Variants in CHD8 observed in about 807,000 individuals in gnomAD.
CHD8 encodes the protein ATP-dependent chromatin remodeler CHD8.
CHD8 carries 31 observed loss-of-function variants against 279.2 expected under a neutral mutation model. That is an observed-to-expected ratio of 0.11 (90% CI 0.08 to 0.15). The LOEUF is 0.15. Among genes scored for constraint, CHD8 ranks in the 10% least tolerant of loss-of-function variants. The pLI is 1.00. For missense variants in CHD8, 2,146 were observed against 3,230.5 expected (o/e 0.66, Z 8.14); for synonymous variants, 1,081 against 1,139.6 (o/e 0.95, Z 1.04).
intron 4 of CHD8, 160 bp downstream of exon 4, chr14:21,427,709 C>T (rs1430844820): frequency 8.6e-6 from 13 of 1,510,828 alleles, no homozygotes; most frequent in Non-Finnish European, 1.1e-5. Context: ...CTTGCACGTC[C>T]CATCACAGTA....
intron 1 of CHD8, among the ~76,000 whole-genome samples, chr14:21,439,929 A>G (rs952219067): frequency 1.1e-4 from 16 of 152,340 alleles, no homozygotes; most frequent in African/African-American, 3.4e-4. Flanking sequence ...TCTAAGTTCA[A>G]CATCAAATGC....
rs1300226421 is a variant in CHD8, at chr14:21,385,282, G to T, written c.*331C>A. 3 of 300,036 alleles carry T rather than the reference G, an allele frequency of 1.0e-5. No homozygotes were observed. Among genetic ancestry groups the T allele is most frequent in the African/African-American group, 2.2e-5 (1 of 46,478 alleles). The allele number at this position is 300,036 out of a possible 1,614,324, so 18.6% of individuals were successfully genotyped here. ...CCAGCTGTATCCACAGTTCGGCCAG[G>T]AACAGGCTCTGCCAGAGGCTAGGGC... On this transcript the variant is annotated 3_prime_UTR_variant, in exon 38 of 38. Coordinates refer to ENST00000646647, the MANE Select transcript of CHD8 (RefSeq NM_001170629.2).
At chr14:21,414,784 A>AT in intron 8 of CHD8, 154 bp downstream of exon 8, 1 of 674,466 alleles carries the variant, frequency 1.5e-6, no homozygotes, top group African/African-American at 1.8e-5. Context: ...CAATTCCTGA[A>AT]TTTCTCTCTG....
intron 8 of CHD8, 156 bp from the exon 9 acceptor site, chr14:21,414,574 A>G (rs1431997085): frequency 3.3e-6 from 2 of 605,586 alleles, no homozygotes; most frequent in Non-Finnish European, 5.8e-6. Flanking sequence ...TCTAATTTGT[A>G]TACAAACCAC....
At chr14:21,392,928 G>T (rs2139445436) in intron 33 of CHD8, 119 bp from the exon 34 acceptor site, 1 of 1,233,552 alleles carries the variant, frequency 8.1e-7, no homozygotes, top group East Asian at 2.3e-5. Context: ...CAGAAAAGAG[G>T]AAGTTAATAC....
At position 21,427,872 on chromosome 14, in the gene CHD8, A is replaced by G. The variant is rs369877740; in HGVS notation, c.1598T>C (p.Leu533Pro). The change falls in exon 4 of 38, where the codon CTC (leucine) becomes CCC (proline). Residue 533 changes from leucine to proline, a missense_variant. This residue lies in a region of CHD8 where 123 missense variants were observed against 169.2 expected (regional missense o/e 0.73). Coordinates refer to ENST00000646647, the MANE Select transcript of CHD8 (RefSeq NM_001170629.2). ...CACAGTAGCAAGGAGTACTCACTTG[A>G]GCTTGCTCTTGCCCTTTGTTTTGGA... ...GASKTKGKSK[L>P]NTITPVVGKK... is the part of the protein sequence containing the mutation. 6.2e-7 allele frequency: 1 copy of G among 1,613,592 alleles called. No individual in the cohort carries two copies. Among genetic ancestry groups the G allele is most frequent in the Non-Finnish European group, 8.5e-7 (1 of 1,179,798 alleles).
In CHD8 at chr14:21,385,720, C is replaced by T; in HGVS notation, c.7639G>A (p.Asp2547Asn). ...EEDDDEDEED[D>N]DDLSQGYDSS... ...TCATAGCCCTGAGATAAGTCATCATCATCTTCTTCATCCTCATCGTCATCC... is the reference window on the plus strand; with the variant it reads ...TCATAGCCCTGAGATAAGTCATCATTATCTTCTTCATCCTCATCGTCATCC... The change falls in exon 38 of 38, where the codon GAT becomes AAT. Residue 2547 changes from aspartate (D) to asparagine (N), a missense_variant. This residue lies in a region of CHD8 where 336 missense variants were observed against 392.9 expected (regional missense o/e 0.86). Transcript: ENST00000646647. The T allele has an allele frequency of 1.3e-6, 2 of 1,551,830 alleles. No individual in the cohort carries two copies. The highest frequency in any genetic ancestry group is 2.4e-5 in the South Asian group (2 of 84,062).
chr14:21,386,552 T>C (rs17197107), intron 37 of CHD8, among the ~76,000 whole-genome samples: 11,523 of 152,264 alleles, frequency 0.076, 624 homozygotes, highest in Non-Finnish European at 0.12. Context: ...AAAAAATCAC[T>C]TGTGACCGGG....
chr14:21,395,740 C>A (rs1887754195), intron 28 of CHD8, 77 bp downstream of exon 28: 2 of 850,406 alleles, frequency 2.4e-6, no homozygotes, highest in Non-Finnish European at 3.9e-6. Context: ...CAATATATTT[C>A]AAGATTCAGA....
At chr14:21,450,768 TA>T (rs1890238363) in intron 1 of CHD8, among the ~76,000 whole-genome samples, 1 of 151,996 alleles carries the variant, frequency 6.6e-6, no homozygotes, top group Non-Finnish European at 1.5e-5. Context: ...ATATATCCTT[TA>T]TTGGAAAGCT....
At chr14:21,437,231 T>G in intron 1 of CHD8, 1 of 1,185,304 alleles carries the variant, frequency 8.4e-7, no homozygotes, top group African/African-American at 1.6e-5. Flanking sequence ...CCCCTCTCCC[T>G]GTCTCTCCAG....
rs886041884 is a variant in CHD8, at chr14:21,402,485, G to T, written c.3733C>A (p.Arg1245=). The stretch of plus-strand genomic sequence containing the variant: ...TTCACAGCTTTGCTCTGCCCAATTC[G>T]ATGACATCGTGCCTGGGCCTGGTTT... The part of the protein sequence containing the change: ...NDLQAQARCH[R]IGQSKAVKVY... The change falls in exon 19 of 38, where the codon CGA becomes AGA. Residue 1245 remains arginine, a synonymous_variant. Transcript: ENST00000646647. This position sits in a 1 kb window ranked among gnomAD's most constrained non-coding sequence, Gnocchi z 4.5. The T allele has an allele frequency of 1.2e-6, 2 of 1,604,506 alleles. No homozygotes were observed. Among genetic ancestry groups the T allele is most frequent in the African/African-American group, 1.3e-5 (1 of 74,720 alleles).
At position 21,402,607 on chromosome 14, in the gene CHD8, G is replaced by T. The variant is rs2139467752; in HGVS notation, c.3715-104C>A. 1 of 1,110,024 alleles carries T rather than the reference G, an allele frequency of 9.0e-7. No individual in the cohort carries two copies. The highest frequency in any genetic ancestry group is 1.6e-5 in the African/African-American group (1 of 63,332). 68.8% of individuals were successfully genotyped at this position (1,110,024 alleles called of 1,614,324 possible). On this transcript the variant is annotated intron_variant, in intron 18 of 37. Transcript: ENST00000646647. The surrounding 1 kb of genome is among the most constrained non-coding windows in gnomAD (Gnocchi z 4.5). ...ATGATTCTTTCACCTCTATAGAGCA[G>T]CCATGAGATCAACTCAAAACCAAGA...
chr14:21,426,578 T>A (rs879861946), intron 4 of CHD8: 8 of 199,810 alleles, frequency 4.0e-5, no homozygotes, highest in Admixed American at 1.2e-4. Context: ...ACAAGAGCAT[T>A]AGTTTCATTA....
At chr14:21,394,514 A>T in intron 30 of CHD8, 29 bp from the exon 31 acceptor site, 1 of 1,483,080 alleles carries the variant, frequency 6.7e-7, no homozygotes, top group Non-Finnish European at 9.3e-7. Flanking sequence ...GGCAACAATA[A>T]TCAGAAGAAC....
Position 21,414,824 on chromosome 14 carries a change from A to C in CHD8, c.2024+114T>G, listed in dbSNP as rs1888645739. 5.3e-6 allele frequency: 4 copies of C among 748,466 alleles called. 1 individual carries two copies. In the Admixed American group the frequency reaches 1.1e-4, roughly 21 times the overall value. 46.4% of individuals were successfully genotyped at this position (748,466 alleles called of 1,614,324 possible). A position where few individuals can be genotyped will look rare whatever the true frequency, so the allele number is the denominator to read the frequency against. On this transcript the variant is annotated intron_variant, in intron 8 of 37. Coordinates refer to ENST00000646647, the MANE Select transcript of CHD8 (RefSeq NM_001170629.2). ...GCCATTTTTCCCCATTAAAAACAGC[A>C]ACCTGGGCTACAAGACTATAAAAAA...
Position 21,400,952 on chromosome 14 carries a change from G to A in CHD8, c.4293C>T (p.Arg1431=). Residue 1431 remains arginine, a synonymous_variant, in exon 22 of 38, where the codon CGC becomes CGT. Coordinates refer to ENST00000646647, the MANE Select transcript of CHD8 (RefSeq NM_001170629.2). This position sits in a 1 kb window ranked among gnomAD's most constrained non-coding sequence, Gnocchi z 4.2. ...CATGATGACGGTCATGTCTGCGGGA[G>A]CGTGGCCGCTCATCATCCTCACTTT... is the stretch of plus-strand genomic sequence containing the variant. ...DLESEDDERP[R]SRRHDRHHAY... is the part of the protein sequence containing the mutation. 1 of 1,614,004 alleles carries A rather than the reference G, an allele frequency of 6.2e-7. No homozygotes were observed. Among genetic ancestry groups the A allele is most frequent in the Non-Finnish European group, 8.5e-7 (1 of 1,179,842 alleles).
chr14:21,428,915 A>G (rs1024787167), intron 3 of CHD8, 49 bp downstream of exon 3: 8 of 1,591,404 alleles, frequency 5.0e-6, no homozygotes, highest in Non-Finnish European at 6.0e-6. Flanking sequence ...ACAGCAATGG[A>G]CTAAGTATTT....
At chr14:21,448,901 A>C (rs914981186) in intron 1 of CHD8, among the ~76,000 whole-genome samples, 7 of 141,102 alleles carry the variant, frequency 5.0e-5, no homozygotes, top group African/African-American at 5.0e-5. Flanking sequence ...TGGGCTGGGC[A>C]CGGTGGCTCA....
Sources: gnomAD v4.1 joint callset for allele counts (sites outside exome capture counted in the v4.1 genomes callset) on GRCh38, gnomAD v4.1.1 for gene constraint, gnomAD v4.1.1 regional missense constraint, Gnocchi (gnomAD v3.1) non-coding constraint, MANE v1.5 for transcripts, NCBI Gene and HGNC (gene_info 2026-07-23, HGNC 2026-07-21) for gene names.